PHF8: variants seen among roughly 807,000 people sequenced by gnomAD.
PHF8 encodes PHD finger protein 8, also known as histone lysine demethylase PHF8.
In PHF8, 9 loss-of-function variants were observed where a neutral mutation model predicts 74.4. That is an observed-to-expected ratio of 0.12 (90% CI 0.07 to 0.21). The LOEUF is 0.21. Among genes scored for constraint, PHF8 ranks in the 10% least tolerant of loss-of-function variants. The pLI is 1.00. For synonymous variants in PHF8, 311 were observed against 316.6 expected (o/e 0.98, Z 0.19); for missense variants, 478 against 816.6 (o/e 0.59, Z 5.05).
chrX:54,021,627 C>T (rs1307089520), intron 4 of PHF8, among the ~76,000 whole-genome samples: 2 of 107,585 alleles, frequency 1.9e-5, no homozygotes, highest in Admixed American at 2.0e-4. Context: ...CGCCACTACG[C>T]CCGGCCAATT....
intron 13 of PHF8, 45 bp downstream of exon 13, chrX:53,993,555 AG>A (rs1569527457): frequency 1.8e-6 from 2 of 1,123,677 alleles, no homozygotes; most frequent in Non-Finnish European, 2.4e-6. Flanking sequence ...TGCTCTTCCA[AG>A]GGACACCCAA....
intron 1 of PHF8, chrX:54,043,165 A>T (rs2066592998): frequency 1.3e-6 from 1 of 780,737 alleles, no homozygotes; most frequent in Admixed American, 7.7e-5. Flanking sequence ...CCCCTAGCTG[A>T]CCCCTGTTTC....
At chrX:54,012,145 A>G (rs1401855825) in intron 7 of PHF8, among the ~76,000 whole-genome samples, 2 of 110,914 alleles carry the variant, frequency 1.8e-5, no homozygotes, top group African/African-American at 6.5e-5. Context: ...AAGAACTACA[A>G]CTGAATTATT....
intron 13 of PHF8, 22 bp downstream of exon 13, chrX:53,993,579 G>A (rs782125888): frequency 5.0e-6 from 6 of 1,193,371 alleles, no homozygotes; most frequent in Non-Finnish European, 6.8e-6. Context: ...GGGTTGGGCT[G>A]AACCCATGGG....
At position 54,002,579 on chromosome X, in the gene PHF8, C is replaced by G. The variant is rs1385114296; in HGVS notation, c.1034+16G>C. 2.8e-6 allele frequency: 3 copies of G among 1,083,838 alleles called. No individual in the cohort carries two copies. In the African/African-American group the frequency reaches 5.5e-5, roughly 20 times the overall value. The allele number at this position is 1,083,838 out of a possible 1,213,427, so 89.3% of individuals were successfully genotyped here. A position where few individuals can be genotyped will look rare whatever the true frequency, so the allele number is the denominator to read the frequency against. Reference sequence around the variant, plus strand: ...AGGAATGGCCAACATAGAATCACCACAGTTTCAGTACTCACTTGAGCTGCA... The same window carrying G: ...AGGAATGGCCAACATAGAATCACCAGAGTTTCAGTACTCACTTGAGCTGCA... On this transcript the variant is annotated intron_variant, in intron 9 of 21. Coordinates refer to ENST00000338154, the MANE Select transcript of PHF8 (RefSeq NM_015107.3).
Position 54,016,606 on chromosome X carries a change from G to A in PHF8, c.585C>T (p.Phe195=). Residue 195 remains phenylalanine (F), a synonymous_variant, in exon 6 of 22, where the codon TTC becomes TTT. Transcript: ENST00000338154. The stretch of plus-strand genomic sequence containing the variant: ...CCTGCACCTCTTACCTGGTATCAGA[G>A]AATTCCAAACTAATGACATTGAGGA... ...EKVLNVISLE[F]SDTRLSNLVE... is the part of the protein sequence containing the mutation. The A allele has an allele frequency of 8.3e-7, 1 of 1,206,084 alleles. No individual in the cohort carries two copies. The highest frequency in any genetic ancestry group is 1.8e-5 in the South Asian group (1 of 56,829).
chrX:54,001,699 G>A (rs1404337796), intron 10 of PHF8, among the ~76,000 whole-genome samples: 1 of 111,367 alleles, frequency 9.0e-6, no homozygotes, highest in African/African-American at 3.3e-5. Context: ...AGAATCACTC[G>A]AGGCCAGGAG....
In PHF8 at chrX:54,006,099, T is replaced by G. The variant is rs1320392875; in HGVS notation, c.947-3417A>C. On this transcript the variant is annotated intron_variant, in intron 8 of 21. Transcript: ENST00000338154. ...GCACGTCAATCTCATAATCAATGTA[T>G]GAAGAGAAATATTTAAGACAAATAC... is the stretch of plus-strand genomic sequence containing the variant. Among the ~76,000 whole-genome samples, 3 of 112,129 alleles carry G rather than the reference T, an allele frequency of 2.7e-5. No homozygotes were observed. In the East Asian group the frequency reaches 8.3e-4, roughly 31 times the overall value.
intron 2 of PHF8, among the ~76,000 whole-genome samples, chrX:54,032,279 C>T (rs2146489758): frequency 9.0e-6 from 1 of 111,437 alleles, no homozygotes; most frequent in South Asian, 3.8e-4. Flanking sequence ...TTGGCCTAAT[C>T]AGTTCCTAGA....
intron 18 of PHF8, among the ~76,000 whole-genome samples, chrX:53,976,570 T>C (rs2065379576): frequency 9.2e-6 from 1 of 108,531 alleles, no homozygotes; most frequent in African/African-American, 3.4e-5. Flanking sequence ...GAAGAGATGA[T>C]CACTTGAGGT....
intron 6 of PHF8, among the ~76,000 whole-genome samples, chrX:54,016,282 T>A (rs1557108151): frequency 9.1e-6 from 1 of 110,461 alleles, no homozygotes; most frequent in Admixed American, 9.7e-5. Flanking sequence ...TCACCTGAGG[T>A]AGGGAGTTCG....
intron 19 of PHF8, among the ~76,000 whole-genome samples, chrX:53,958,239 A>G (rs1265279435): frequency 9.3e-6 from 1 of 107,548 alleles, no homozygotes; most frequent in East Asian, 3.0e-4. Context: ...ACGGGGTTTC[A>G]TCATGTTGGC....
intron 2 of PHF8, among the ~76,000 whole-genome samples, chrX:54,030,528 C>A (rs1557112329): frequency 8.9e-6 from 1 of 112,029 alleles, no homozygotes; most frequent in African/African-American, 3.3e-5. Flanking sequence ...ACACTGCCCT[C>A]ATGGACTGGA....
chrX:54,033,089 T>G (rs1170634955), intron 2 of PHF8, among the ~76,000 whole-genome samples: 4 of 111,070 alleles, frequency 3.6e-5, no homozygotes, highest in Non-Finnish European at 7.5e-5. Context: ...AAAGACCAAG[T>G]GGGGAACCTG....
intron 18 of PHF8, among the ~76,000 whole-genome samples, chrX:53,966,284 T>C (rs1002309444): frequency 7.6e-4 from 85 of 111,659 alleles, no homozygotes; most frequent in African/African-American, 2.4e-3. Context: ...GATGCCGAGC[T>C]GAAGCTGGAC....
At chrX:53,969,880 G>A (rs1291427591) in intron 18 of PHF8, among the ~76,000 whole-genome samples, 6 of 111,886 alleles carry the variant, frequency 5.4e-5, no homozygotes, top group Non-Finnish European at 1.1e-4. Context: ...GGAAAGAACA[G>A]TCTCTTTAAT....
At chrX:53,996,676 A>G (rs1248580567) in intron 11 of PHF8, among the ~76,000 whole-genome samples, 1 of 110,752 alleles carries the variant, frequency 9.0e-6, no homozygotes, top group African/African-American at 3.3e-5. Context: ...CCTCCCCAGT[A>G]GCTGGGATTA....
intron 19 of PHF8, among the ~76,000 whole-genome samples, chrX:53,958,125 G>A (rs1439251805): frequency 2.8e-5 from 3 of 106,515 alleles, no homozygotes; most frequent in African/African-American, 6.9e-5. Flanking sequence ...CACTGCAACC[G>A]CCACCTCCCG....
intron 19 of PHF8, among the ~76,000 whole-genome samples, chrX:53,961,402 A>G (rs1050816307): frequency 2.8e-5 from 3 of 108,715 alleles, no homozygotes; most frequent in Non-Finnish European, 3.8e-5. Flanking sequence ...ATCTCAGCTC[A>G]CTGCAACCTT....
Sources: allele counts gnomAD v4.1 joint callset (sites outside exome capture counted in the v4.1 genomes callset), GRCh38; gene constraint gnomAD v4.1.1; transcripts MANE v1.5; gene names NCBI Gene and HGNC (gene_info 2026-07-23, HGNC 2026-07-21).